DOCK4: variants seen among roughly 807,000 people sequenced by gnomAD.
DOCK4 encodes the protein dedicator of cytokinesis protein 4.
In DOCK4, 97 loss-of-function variants were observed where a neutral mutation model predicts 268.1. The observed-to-expected ratio is 0.36, with a 90% CI of 0.31 to 0.43. DOCK4 has a LOEUF of 0.43. DOCK4 is among the 20% of genes least tolerant of loss of function. The probability of loss-of-function intolerance (pLI) is 1.00; values close to 1 mark genes in which losing one functional copy is unlikely to be tolerated. For missense variants in DOCK4, 2,145 were observed against 2,455.7 expected, an observed-to-expected ratio of 0.87 and a Z score of 2.67; for synonymous variants, 954 against 887.2, an observed-to-expected ratio of 1.08 and a Z score of -1.34.
rs1219834485 is a variant in DOCK4, at chr7:111,776,718, G to A, written c.3679+1558C>T. Among the ~76,000 whole-genome samples the A allele has an allele frequency of 2.0e-5, 3 of 152,138 alleles. No homozygotes were observed. The East Asian group carries it at 5.8e-4, about 29-fold the overall frequency. ...AAACCCAAACAAGTTAAACTAAACAGGAAAACTATGCCCATACATATAATA... is the reference window on the plus strand; with the variant it reads ...AAACCCAAACAAGTTAAACTAAACAAGAAAACTATGCCCATACATATAATA... On this transcript the variant is annotated intron_variant, in intron 36 of 52. Coordinates refer to ENST00000428084, the MANE Select transcript of DOCK4 (RefSeq NM_001363540.2).
rs548719991 is a variant in DOCK4, at chr7:111,788,712, C to T, written c.3351G>A (p.Leu1117=). The part of the protein sequence containing the change: ...EAKLIDKLDS[L]MSEGKGDETY... The stretch of plus-strand genomic sequence containing the variant: ...TTTCGTCACCTTTGCCTTCTGACAT[C>T]AGGCTATCCAGTTTGTCAATTAGCT... Residue 1117 remains leucine (L), a synonymous_variant, in exon 32 of 53, where the codon CTG becomes CTA. Coordinates refer to ENST00000428084, the MANE Select transcript of DOCK4 (RefSeq NM_001363540.2). The T allele has an allele frequency of 2.3e-5, 36 of 1,593,486 alleles. No homozygotes were observed. The African/African-American group carries it at 4.4e-4, about 20-fold the overall frequency.
rs758373500 is a variant in DOCK4, at chr7:111,728,659, T to C, written c.5543A>G (p.Asn1848Ser). The change falls in exon 53 of 53, where the codon AAC (asparagine) becomes AGC (serine). Residue 1848 changes from asparagine to serine, a missense_variant. Around this residue, in one of 2 missense-constraint regions of DOCK4, gnomAD observed 547 missense variants for 469.0 expected, o/e 1.17. Transcript: ENST00000428084. Reference sequence around the variant, plus strand: ...GTAGCTGCCCGACAAGACAGGGGAGTTGGAGATGAGTCCTGGCGAGTGGTA... The same window carrying C: ...GTAGCTGCCCGACAAGACAGGGGAGCTGGAGATGAGTCCTGGCGAGTGGTA... ...VEYHSPGLISNSPVLSGSYSS... is the reference protein window; with the variant it reads ...VEYHSPGLISSSPVLSGSYSS... 8 of 1,613,124 alleles carry C rather than the reference T, an allele frequency of 5.0e-6. No homozygotes were observed. The highest frequency in any genetic ancestry group is 6.8e-6 in the Non-Finnish European group (8 of 1,179,728).
At chr7:111,851,964 T>TC (rs1804608034) in intron 23 of DOCK4, among the ~76,000 whole-genome samples, 1 of 148,308 alleles carries the variant, frequency 6.7e-6, no homozygotes, top group Admixed American at 6.7e-5. Context: ...CTTCCTTTTT[T>TC]TTTTTTTTTT....
chr7:111,962,711 T>C (rs1797023984), intron 8 of DOCK4, among the ~76,000 whole-genome samples: 1 of 152,178 alleles, frequency 6.6e-6, no homozygotes, highest in South Asian at 2.1e-4. Context: ...TGGAATGATA[T>C]ATCAAATAGA....
At chr7:111,828,853 AATTAT>A (rs1802590101) in intron 26 of DOCK4, among the ~76,000 whole-genome samples, 1 of 149,564 alleles carries the variant, frequency 6.7e-6, no homozygotes, top group Admixed American at 6.7e-5. Context: ...CAATATAAAT[AATTAT>A]ATTAACACTA....
chr7:112,117,452 C>G (rs1812283947), intron 1 of DOCK4, among the ~76,000 whole-genome samples: 2 of 152,146 alleles, frequency 1.3e-5, no homozygotes, highest in Non-Finnish European at 2.9e-5. Flanking sequence ...CTCACTGCAG[C>G]CTCCACCTCC....
intron 1 of DOCK4, among the ~76,000 whole-genome samples, chr7:112,040,954 T>C (rs1804300571): frequency 6.6e-6 from 1 of 152,210 alleles, no homozygotes; most frequent in Non-Finnish European, 1.5e-5. Context: ...TCTAAAGTAG[T>C]TATCTCTGGA....
At chr7:111,778,879 AC>A (rs1798616990) in intron 35 of DOCK4, among the ~76,000 whole-genome samples, 1 of 151,918 alleles carries the variant, frequency 6.6e-6, no homozygotes, top group Non-Finnish European at 1.5e-5. Flanking sequence ...ACATGGTGAA[AC>A]CCCATCTCTA....
chr7:112,161,998 T>C (rs761501317), intron 1 of DOCK4, among the ~76,000 whole-genome samples: 6 of 152,282 alleles, frequency 3.9e-5, no homozygotes, highest in Admixed American at 6.5e-5. Context: ...CTGTTACTAA[T>C]GTGTTTGTAT....
At chr7:111,878,928 T>C (rs1418608317) in intron 16 of DOCK4, among the ~76,000 whole-genome samples, 2 of 151,750 alleles carry the variant, frequency 1.3e-5, no homozygotes, top group Non-Finnish European at 2.9e-5. Context: ...CAACTCCTAG[T>C]GCTAGGCTGG....
At chr7:112,075,658 A>G (rs1807997378) in intron 1 of DOCK4, among the ~76,000 whole-genome samples, 1 of 152,174 alleles carries the variant, frequency 6.6e-6, no homozygotes, top group Admixed American at 6.6e-5. Flanking sequence ...TAATTTCTGA[A>G]CCAAAGATTT....
Position 111,977,218 on chromosome 7 carries a change from C to A in DOCK4, c.615G>T (p.Gln205His). The change falls in exon 8 of 53, where the codon CAG becomes CAT. Residue 205 changes from glutamine to histidine, a missense_variant. Transcript: ENST00000428084. ...VQASSHHLFVQMKSLMCSNLG... is the reference protein window; with the variant it reads ...VQASSHHLFVHMKSLMCSNLG... Reference sequence around the variant, plus strand: ...GGTTGGAACACATGAGGCTCTTCATCTGGACAAAGAGGTGGTGACTGCTGG... The same window carrying A: ...GGTTGGAACACATGAGGCTCTTCATATGGACAAAGAGGTGGTGACTGCTGG... The A allele has an allele frequency of 6.2e-7, 1 of 1,611,810 alleles. No homozygotes were observed. The highest frequency in any genetic ancestry group is 1.3e-5 in the African/African-American group (1 of 75,000).
chr7:111,926,120 AAAAG>A (rs71524823), intron 12 of DOCK4, among the ~76,000 whole-genome samples: 20,984 of 134,810 alleles, frequency 0.16, 1,896 homozygotes, highest in Non-Finnish European at 0.17. Context: ...GAGAAAGAGA[AAAAG>A]AAAGAAAGAA....
chr7:112,084,099 A>C (rs1808839360), intron 1 of DOCK4, among the ~76,000 whole-genome samples: 1 of 152,182 alleles, frequency 6.6e-6, no homozygotes, highest in Admixed American at 6.5e-5. Flanking sequence ...CTTAATCCAC[A>C]GTGAGGACCT....
intron 12 of DOCK4, among the ~76,000 whole-genome samples, chr7:111,929,947 C>T (rs1399215890): frequency 6.6e-6 from 1 of 152,114 alleles, no homozygotes. Flanking sequence ...TTTTACACAC[C>T]GTTTCAAGAC....
At chr7:111,776,885 A>G (rs768290610) in intron 36 of DOCK4, among the ~76,000 whole-genome samples, 1 of 152,046 alleles carries the variant, frequency 6.6e-6, no homozygotes, top group Non-Finnish European at 1.5e-5. Context: ...CAGTGGTGCA[A>G]TTTTGGCTCA....
At chr7:111,847,171 C>A (rs185703406) in intron 23 of DOCK4, 45 bp from the exon 24 acceptor site, 84 of 1,609,198 alleles carry the variant, frequency 5.2e-5, no homozygotes, top group Non-Finnish European at 6.6e-5. Flanking sequence ...TGGAGTCCCA[C>A]GCAATACCTA....
At chr7:111,926,899 A>C (rs1793755377) in intron 12 of DOCK4, among the ~76,000 whole-genome samples, 1 of 151,942 alleles carries the variant, frequency 6.6e-6, no homozygotes, top group African/African-American at 2.4e-5. Flanking sequence ...GGAAGGAAAG[A>C]AGGAAGAAAG....
intron 30 of DOCK4, among the ~76,000 whole-genome samples, chr7:111,794,462 G>A (rs1799754363): frequency 6.6e-6 from 1 of 152,206 alleles, no homozygotes; most frequent in Admixed American, 6.5e-5. Flanking sequence ...GACAGCCTGG[G>A]CACACATGTG....
Sources: gnomAD v4.1 joint callset for allele counts (sites outside exome capture counted in the v4.1 genomes callset) on GRCh38, gnomAD v4.1.1 for gene constraint, gnomAD v4.1.1 regional missense constraint, MANE v1.5 for transcripts, NCBI Gene and HGNC (gene_info 2026-07-23, HGNC 2026-07-21) for gene names.